The following NIPAL4 variants were observed in gnomAD, a reference collection of about 807,000 sequenced individuals.
NIPAL4 encodes NIPA like domain containing 4.
NIPAL4 carries 21 observed loss-of-function variants against 31.6 expected under a neutral mutation model. The observed-to-expected ratio is 0.67, with a 90% confidence interval of 0.47 to 0.96. The LOEUF (loss-of-function observed/expected upper bound fraction) is 0.96. Ranked by LOEUF, NIPAL4 falls within the 40% of genes least tolerant of loss-of-function variation. NIPAL4 has a pLI of 0.00. For synonymous variants in NIPAL4, 175 were observed against 211.1 expected (o/e 0.83, Z 1.48); for missense variants, 438 against 508.0 (o/e 0.86, Z 1.32).
rs1014099897 is a variant in NIPAL4 at position 157,473,741 on chromosome 5, A to G, written c.*781A>G. 4.6e-5 allele frequency: 7 copies of G among 152,264 alleles called. No homozygotes were observed. Among genetic ancestry groups the G allele is most frequent in the Non-Finnish European group, 1.0e-4 (7 of 68,056 alleles). 9.4% of individuals were successfully genotyped at this position (152,264 alleles called of 1,614,324 possible). ...TCGCAGAACTGGAAACAAAACAATA[A>G]TAGAGCCACAGCCAAACTCTGGTGG... On this transcript the variant is annotated 3_prime_UTR_variant, in exon 6 of 6. Transcript: ENST00000311946.
rs564834887 is a variant in NIPAL4 at position 157,471,785 on chromosome 5, T to A, written c.554T>A (p.Ile185Asn). 1 of 1,597,564 alleles carries A rather than the reference T, an allele frequency of 6.3e-7. No homozygotes were observed. Among genetic ancestry groups the A allele is most frequent in the Non-Finnish European group, 8.5e-7 (1 of 1,171,784 alleles). Reference sequence around the variant, plus strand: ...CCTGAGGAAGAGAAGGTCACTACCATCATGGAGATGGCTTCCAAGATGAAA... The same window carrying A: ...CCTGAGGAAGAGAAGGTCACTACCAACATGGAGATGGCTTCCAAGATGAAA... ...HAPEEEKVTT[I>N]MEMASKMKDT... is the part of the protein sequence containing the mutation. The change falls in exon 5 of 6, where the codon ATC becomes AAC. Residue 185 changes from isoleucine to asparagine, a missense_variant. Coordinates refer to ENST00000311946, the MANE Select transcript of NIPAL4 (RefSeq NM_001099287.2).
chr5:157,473,166 G>A lies in NIPAL4; in HGVS notation c.*206G>A. Reference sequence around the variant, plus strand: ...AGAACTTCCTGGAAACAGATTCAGTGACCAAATACCCAAGTTTACATCAGT... The same window carrying A: ...AGAACTTCCTGGAAACAGATTCAGTAACCAAATACCCAAGTTTACATCAGT... On this transcript the variant is annotated 3_prime_UTR_variant, in exon 6 of 6. Coordinates refer to ENST00000311946, the MANE Select transcript of NIPAL4 (RefSeq NM_001099287.2). The A allele has an allele frequency of 6.3e-6, 3 of 479,136 alleles. No individual in the cohort carries two copies. Among genetic ancestry groups the A allele is most frequent in the Non-Finnish European group, 1.1e-5 (3 of 276,608 alleles). 29.7% of individuals were successfully genotyped at this position (479,136 alleles called of 1,614,324 possible).
At chr5:157,466,555 C>T (rs1205376935) in intron 2 of NIPAL4, among the ~76,000 whole-genome samples, 1 of 152,176 alleles carries the variant, frequency 6.6e-6, no homozygotes, top group African/African-American at 2.4e-5. Context: ...ATAACAGTGC[C>T]TTCGTGTAGC....
At chr5:157,462,021 T>C (rs1027636716) in intron 1 of NIPAL4, among the ~76,000 whole-genome samples, 3 of 152,314 alleles carry the variant, frequency 2.0e-5, no homozygotes, top group African/African-American at 7.2e-5. Context: ...CTGGGAGTTC[T>C]AGGTTGGTGG....
intron 4 of NIPAL4, 71 bp from the exon 5 acceptor site, chr5:157,471,586 G>C: frequency 8.2e-7 from 1 of 1,223,554 alleles, no homozygotes; most frequent in Non-Finnish European, 1.2e-6. Context: ...TGCTTGCTCA[G>C]GCCCCATTTT....
In NIPAL4 at chr5:157,463,305, A is replaced by C. The variant is rs1160465602; in HGVS notation, c.249A>C (p.Arg83=). The part of the protein sequence containing the change: ...SVILKKKGLL[R]LVATGATRAV... ...TCCTCAAGAAGAAAGGCCTCTTGCG[A>C]CTCGTGGCCACGGGAGCCACTCGAG... is the stretch of plus-strand genomic sequence containing the variant. Residue 83 remains arginine, a synonymous_variant, in exon 2 of 6, where the codon CGA becomes CGC. Transcript: ENST00000311946. 6.2e-7 allele frequency: 1 copy of C among 1,611,308 alleles called. No homozygotes were observed. Among genetic ancestry groups the C allele is most frequent in the Non-Finnish European group, 8.5e-7 (1 of 1,178,386 alleles).
chr5:157,471,811 G>T lies in NIPAL4; in HGVS notation c.580G>T (p.Asp194Tyr). Residue 194 changes from aspartate (D) to tyrosine (Y), a missense_variant, in exon 5 of 6, where the codon GAC becomes TAC. Coordinates refer to ENST00000311946, the MANE Select transcript of NIPAL4 (RefSeq NM_001099287.2). ...CATGGAGATGGCTTCCAAGATGAAA[G>T]ACACAGGTAGACTCCAAGCCCCTGA... is the stretch of plus-strand genomic sequence containing the variant. ...TIMEMASKMK[D>Y]TGFIVFAVLL... is the part of the protein sequence containing the mutation. 6.3e-7 allele frequency: 1 copy of T among 1,584,538 alleles called. No individual in the cohort carries two copies. Among genetic ancestry groups the T allele is most frequent in the South Asian group, 1.2e-5 (1 of 86,498 alleles).
chr5:157,463,095 T>C lies in NIPAL4; in HGVS notation c.39T>C (p.Gly13=), dbSNP rs1754151365. 1 of 1,613,704 alleles carries C rather than the reference T, an allele frequency of 6.2e-7. No individual in the cohort carries two copies. Among genetic ancestry groups the C allele is most frequent in the African/African-American group, 1.3e-5 (1 of 74,924 alleles). Residue 13 remains glycine, a splice_region_variant and synonymous_variant, in exon 2 of 6, where the codon GGT becomes GGC. Coordinates refer to ENST00000311946, the MANE Select transcript of NIPAL4 (RefSeq NM_001099287.2). ...TCTCACTGTGGTCTTCCCATCCAGG[T>C]TCCCTGCTCCACCTCTACTGCTCCT... is the stretch of plus-strand genomic sequence containing the variant. ...LRVSNTSCEN[G]SLLHLYCSSQ... is the part of the protein sequence containing the mutation.
At position 157,463,159 on chromosome 5, in the gene NIPAL4, C is replaced by T. The variant is rs895047629; in HGVS notation, c.103C>T (p.Pro35Ser). 3.7e-6 allele frequency: 6 copies of T among 1,613,760 alleles called. No individual in the cohort carries two copies. The highest frequency in any genetic ancestry group is 1.7e-5 in the Admixed American group (1 of 60,012). ...VLCQIVNDLS[P>S]EVPSNATFHS... ...GTGCCAGATTGTCAATGACCTCAGC[C>T]CTGAGGTGCCCAGCAATGCCACCTT... The change falls in exon 2 of 6, where the codon CCT becomes TCT. Residue 35 changes from proline (P) to serine (S), a missense_variant. By Grantham distance (74) the Pro-to-Ser change is moderately conservative. Coordinates refer to ENST00000311946, the MANE Select transcript of NIPAL4 (RefSeq NM_001099287.2).
At chr5:157,469,207 T>C (rs1754360853) in intron 4 of NIPAL4, among the ~76,000 whole-genome samples, 1 of 152,194 alleles carries the variant, frequency 6.6e-6, no homozygotes, top group South Asian at 2.1e-4. Context: ...AGGCAAGTCA[T>C]TTAAGCCACT....
At chr5:157,470,838 T>A (rs1754410658) in intron 4 of NIPAL4, among the ~76,000 whole-genome samples, 2 of 152,238 alleles carry the variant, frequency 1.3e-5, no homozygotes, top group African/African-American at 4.8e-5. Context: ...AAGCCAAAGC[T>A]GAGAGCCATC....
intron 3 of NIPAL4, chr5:157,467,481 C>G: frequency 3.9e-6 from 1 of 254,808 alleles, no homozygotes; most frequent in Admixed American, 4.5e-5. Flanking sequence ...TGTGTTGGCC[C>G]ACTTAGAACA....
At chr5:157,471,616 G>T (rs754115215) in intron 4 of NIPAL4, 41 bp from the exon 5 acceptor site, 1 of 1,545,872 alleles carries the variant, frequency 6.5e-7, no homozygotes, top group South Asian at 1.2e-5. Flanking sequence ...TCTGGGACAG[G>T]CATGGCTGCT....
intron 4 of NIPAL4, among the ~76,000 whole-genome samples, chr5:157,469,376 T>C (rs185608763): frequency 6.6e-6 from 1 of 152,194 alleles, no homozygotes; most frequent in African/African-American, 2.4e-5. Context: ...TAGTAGGGGC[T>C]TAGTATGTGC....
In NIPAL4 at chr5:157,460,235, C is replaced by T. The variant is rs1412410295; in HGVS notation, c.-86C>T. 1 of 1,516,406 alleles carries T rather than the reference C, an allele frequency of 6.6e-7. No individual in the cohort carries two copies. 93.9% of individuals were successfully genotyped at this position (1,516,406 alleles called of 1,614,324 possible). Reference sequence around the variant, plus strand: ...GGCGGCTTCTCGCGCGCGAGCCACGCGGGGGACAAGTCGCGGCCACCTGCT... The same window carrying T: ...GGCGGCTTCTCGCGCGCGAGCCACGTGGGGGACAAGTCGCGGCCACCTGCT... On this transcript the variant is annotated 5_prime_UTR_variant, in exon 1 of 6. Transcript: ENST00000311946.
Position 157,463,223 on chromosome 5 carries a change from T to C in NIPAL4, c.167T>C (p.Phe56Ser), listed in dbSNP as rs767933567. The change falls in exon 2 of 6, where the codon TTC becomes TCC. Residue 56 changes from phenylalanine (F) to serine (S), a missense_variant. Coordinates refer to ENST00000311946, the MANE Select transcript of NIPAL4 (RefSeq NM_001099287.2). ...WQERIRQNYGFYIGLGLAFLS... is the reference protein window; with the variant it reads ...WQERIRQNYGSYIGLGLAFLS... ...GAAAGAATCAGGCAGAACTATGGCT[T>C]CTACATCGGCCTGGGCCTGGCATTC... The C allele has an allele frequency of 5.0e-6, 8 of 1,613,906 alleles. No homozygotes were observed. Among genetic ancestry groups the C allele is most frequent in the Admixed American group, 1.7e-5 (1 of 60,010 alleles).
intron 4 of NIPAL4, among the ~76,000 whole-genome samples, chr5:157,471,316 C>T (rs1754425811): frequency 6.6e-6 from 1 of 152,140 alleles, no homozygotes; most frequent in Non-Finnish European, 1.5e-5. Context: ...TCAGAATGTT[C>T]AGCACATACT....
chr5:157,463,699 A>G (rs1435704248), intron 2 of NIPAL4, among the ~76,000 whole-genome samples: 2 of 152,152 alleles, frequency 1.3e-5, no homozygotes, highest in Non-Finnish European at 2.9e-5. Context: ...TCTCTGCAAA[A>G]TGGGAATAGA....
intron 2 of NIPAL4, among the ~76,000 whole-genome samples, chr5:157,464,756 G>A (rs913163942): frequency 5.3e-5 from 8 of 152,138 alleles, no homozygotes; most frequent in Non-Finnish European, 1.2e-4. Flanking sequence ...GTTTGGACAC[G>A]TTCAATTTAA....
Sources: gnomAD v4.1 joint callset for allele counts (sites outside exome capture counted in the v4.1 genomes callset) on GRCh38, gnomAD v4.1.1 for gene constraint, MANE v1.5 for transcripts, NCBI Gene and HGNC (gene_info 2026-07-23, HGNC 2026-07-21) for gene names.